SPACA7: variants seen among roughly 807,000 people sequenced by gnomAD.
SPACA7 encodes sperm acrosome associated 7, also known as sperm acrosome-associated protein 7.
Under a neutral mutation model 26.3 loss-of-function variants are expected in SPACA7, and 19 were observed. That is an observed-to-expected ratio of 0.72 (90% confidence interval 0.50 to 1.06). The LOEUF (loss-of-function observed/expected upper bound fraction) is 1.06, where lower values mean the gene tolerates loss of function less well. SPACA7 is among the 50% of genes least tolerant of loss of function. The pLI is 0.00. For missense variants in SPACA7, 211 were observed against 229.9 expected, an observed-to-expected ratio of 0.92 and a Z score of 0.53; for synonymous variants, 84 against 84.5, an observed-to-expected ratio of 0.99 and a Z score of 0.04.
At position 112,380,403 on chromosome 13, in the gene SPACA7, CT is replaced by C. The variant is rs1883973633; in HGVS notation, c.94+3925del. Among the ~76,000 whole-genome samples the C allele has an allele frequency of 2.0e-4, 14 of 68,342 alleles. No homozygotes were observed. The South Asian group carries it at 5.8e-3, about 28-fold the overall frequency. 44.8% of individuals were successfully genotyped at this position (68,342 alleles called of 152,430 possible). ...CTAGGCAACAAGAGCAAAACTCAGTCTCAAAAAAAAAAAAAAAAAAAAAACC... is the reference window on the plus strand; with the variant it reads ...CTAGGCAACAAGAGCAAAACTCAGTCCAAAAAAAAAAAAAAAAAAAAAACC... On this transcript the variant is annotated intron_variant, in intron 1 of 6. Transcript: ENST00000283550.
intron 5 of SPACA7, among the ~76,000 whole-genome samples, chr13:112,420,349 G>A (rs555750095): frequency 6.6e-6 from 1 of 152,260 alleles, no homozygotes; most frequent in Admixed American, 6.5e-5. Context: ...ATTAAAAGAT[G>A]AGGAATTTCA....
At chr13:112,405,137 C>T (rs1173537079) in intron 5 of SPACA7, among the ~76,000 whole-genome samples, 1 of 152,038 alleles carries the variant, frequency 6.6e-6, no homozygotes, top group Non-Finnish European at 1.5e-5. Context: ...CATCCGCCAA[C>T]ATGCCCAGCT....
chr13:112,392,381 A>T (rs911084849), intron 1 of SPACA7, among the ~76,000 whole-genome samples: 1 of 151,974 alleles, frequency 6.6e-6, no homozygotes, highest in African/African-American at 2.4e-5. Flanking sequence ...TCGGCATTTC[A>T]CCCACATGAC....
At chr13:112,384,938 C>A (rs763800242) in intron 1 of SPACA7, among the ~76,000 whole-genome samples, 17 of 152,162 alleles carry the variant, frequency 1.1e-4, no homozygotes, top group Non-Finnish European at 1.9e-4. Context: ...AATTTTATAT[C>A]TCTATCAGGT....
rs1463777838 is a variant in SPACA7 at position 112,397,938 on chromosome 13, T to C, written c.152-111T>C. 6.9e-5 allele frequency: 38 copies of C among 548,060 alleles called. 2 individuals carry two copies. Among genetic ancestry groups the C allele is most frequent in the Admixed American group, 2.5e-4 (8 of 32,010 alleles). The allele number at this position is 548,060 out of a possible 1,614,324, so 33.9% of individuals were successfully genotyped here. A position where few individuals can be genotyped will look rare whatever the true frequency, so the allele number is the denominator to read the frequency against. The stretch of plus-strand genomic sequence containing the variant: ...CCTGGGTTCCCGGAGTTCCTGTTTG[T>C]ACAGGAACTGTGTGTACATTCACTG... On this transcript the variant is annotated intron_variant, in intron 2 of 6. Transcript: ENST00000283550.
chr13:112,421,635 T>C (rs1256024381), intron 5 of SPACA7, among the ~76,000 whole-genome samples: 1 of 152,174 alleles, frequency 6.6e-6, no homozygotes, highest in South Asian at 2.1e-4. Flanking sequence ...ATATAAATCA[T>C]TCTATTATAA....
At chr13:112,382,587 A>G (rs1884152094) in intron 1 of SPACA7, 1 of 1,488,034 alleles carries the variant, frequency 6.7e-7, no homozygotes, top group South Asian at 1.3e-5. Flanking sequence ...TGTGTGGTAA[A>G]AACATTATTA....
chr13:112,434,687 C>T lies in SPACA7; in HGVS notation c.*138C>T, dbSNP rs556872824. ...CATAAAGGAAAATCGTTTATTCACACGATCCCAATTGGAGTTGGTTTATTT... is the reference window on the plus strand; with the variant it reads ...CATAAAGGAAAATCGTTTATTCACATGATCCCAATTGGAGTTGGTTTATTT... On this transcript the variant is annotated 3_prime_UTR_variant, in exon 7 of 7. Transcript: ENST00000283550. 5.5e-4 allele frequency: 369 copies of T among 665,772 alleles called. No individual in the cohort carries two copies. Among genetic ancestry groups the T allele is most frequent in the Admixed American group, 1.1e-3 (42 of 38,434 alleles). The allele number at this position is 665,772 out of a possible 1,614,324, so 41.2% of individuals were successfully genotyped here.
At chr13:112,434,274 G>C (rs1877511804) in intron 6 of SPACA7, among the ~76,000 whole-genome samples, 1 of 152,130 alleles carries the variant, frequency 6.6e-6, no homozygotes, top group African/African-American at 2.4e-5. Context: ...CACTGGACAG[G>C]GTGGCCCCGC....
intron 5 of SPACA7, among the ~76,000 whole-genome samples, chr13:112,415,460 C>A (rs1480684611): frequency 6.6e-6 from 1 of 152,154 alleles, no homozygotes; most frequent in African/African-American, 2.4e-5. Context: ...TGGGGTCGGC[C>A]TAGAAATGTT....
chr13:112,402,451 A>T (rs1374350442), intron 5 of SPACA7, among the ~76,000 whole-genome samples: 1 of 152,152 alleles, frequency 6.6e-6, no homozygotes, highest in East Asian at 1.9e-4. Context: ...GGTTTTCCAG[A>T]TCTGCTGTAT....
chr13:112,434,400 C>G (rs1023300393), intron 6 of SPACA7, 85 bp from the exon 7 acceptor site: 24 of 1,157,238 alleles, frequency 2.1e-5, no homozygotes, highest in Non-Finnish European at 3.0e-5. Context: ...TTCCTCCTGT[C>G]CCCTGGTGTC....
At chr13:112,378,714 C>T (rs1025024452) in intron 1 of SPACA7, 15 of 471,054 alleles carry the variant, frequency 3.2e-5, no homozygotes, top group Admixed American at 1.4e-4. Context: ...GATGGGGACC[C>T]GGTGAGCCAG....
intron 2 of SPACA7, 62 bp from the exon 3 acceptor site, chr13:112,397,987 C>T (rs1885389988): frequency 3.7e-6 from 4 of 1,079,058 alleles, no homozygotes; most frequent in African/African-American, 3.1e-5. Flanking sequence ...CCTTAGGGGA[C>T]AGGAGCCAAG....
chr13:112,395,648 T>A (rs1885195999), intron 2 of SPACA7, among the ~76,000 whole-genome samples: 1 of 152,094 alleles, frequency 6.6e-6, no homozygotes, highest in South Asian at 2.1e-4. Context: ...TTTTTGCATT[T>A]TTAGTAGGAC....
chr13:112,406,784 C>T (rs996829856), intron 5 of SPACA7, among the ~76,000 whole-genome samples: 2 of 152,168 alleles, frequency 1.3e-5, no homozygotes, highest in East Asian at 1.9e-4. Context: ...GATTGTGTTA[C>T]ATTCGCTATG....
chr13:112,422,269 C>T (rs1441731395), intron 5 of SPACA7, among the ~76,000 whole-genome samples: 2 of 152,124 alleles, frequency 1.3e-5, no homozygotes, highest in Admixed American at 6.5e-5. Context: ...ATGCACTATC[C>T]ACCACAGAGC....
chr13:112,398,283 A>G (rs1473452873), intron 3 of SPACA7, 145 bp downstream of exon 3: 2 of 632,448 alleles, frequency 3.2e-6, no homozygotes, highest in Non-Finnish European at 5.6e-6. Flanking sequence ...TGTGAACAAT[A>G]TGGCATCTAA....
rs60363237 is a variant in SPACA7 at position 112,407,878 on chromosome 13, C to G, written c.445+6714C>G. ...CCCTAACTCATTTTTATGAGGCCAG[C>G]ATCATCCTGATACCAAAGGCTGACA... On this transcript the variant is annotated intron_variant, in intron 5 of 6. Transcript: ENST00000283550. Among the ~76,000 whole-genome samples the G allele has an allele frequency of 1.4e-4, 21 of 152,266 alleles. No individual in the cohort carries two copies. In the East Asian group the frequency reaches 3.9e-3, roughly 28 times the overall value.
Sources: gnomAD v4.1 joint callset for allele counts (sites outside exome capture counted in the v4.1 genomes callset) on GRCh38, gnomAD v4.1.1 for gene constraint, MANE v1.5 for transcripts, NCBI Gene and HGNC (gene_info 2026-07-23, HGNC 2026-07-21) for gene names.